Variants in BRIP1 observed in about 807,000 individuals in gnomAD.
The protein encoded by BRIP1 is BRCA1 interacting DNA helicase 1.
BRIP1 carries 88 observed loss-of-function variants against 119.7 expected under a neutral mutation model. The ratio of observed to expected loss-of-function variants is 0.74; its 90% confidence interval spans 0.62 to 0.88. BRIP1 has a LOEUF of 0.88. Among genes scored for constraint, BRIP1 ranks in the 40% least tolerant of loss-of-function variants. The pLI, the probability that BRIP1 is intolerant of heterozygous loss-of-function variation, is 0.00. For synonymous variants in BRIP1, 443 were observed against 496.5 expected (o/e 0.89, Z 1.43); for missense variants, 1,259 against 1,455.4 (o/e 0.87, Z 2.20).
In BRIP1 at chr17:61,809,896, C is replaced by G. The variant is rs1342446432; in HGVS notation, c.628-1139G>C. Among the ~76,000 whole-genome samples, 1 of 152,088 alleles carries G rather than the reference C, an allele frequency of 6.6e-6. No individual in the cohort carries two copies. Among genetic ancestry groups the G allele is most frequent in the East Asian group, 1.9e-4 (1 of 5,190 alleles). On this transcript the variant is annotated intron_variant, in intron 6 of 19. Coordinates refer to ENST00000259008, the MANE Select transcript of BRIP1 (RefSeq NM_032043.3). The surrounding 1 kb of genome is among the most constrained non-coding windows in gnomAD (Gnocchi z 5.2). ...AGTCATAGCATGTTACACCACAATACTGGGGATGAAGCTGTCTTTTAGCCT... is the reference window on the plus strand; with the variant it reads ...AGTCATAGCATGTTACACCACAATAGTGGGGATGAAGCTGTCTTTTAGCCT...
chr17:61,716,201 C>T (rs531932927), intron 16 of BRIP1, 138 bp from the exon 17 acceptor site: 69 of 574,352 alleles, frequency 1.2e-4, no homozygotes, highest in African/African-American at 1.1e-3. Flanking sequence ...TGATTTTTTT[C>T]GTTTCATTTA....
At chr17:61,716,641 C>T (rs1373911883) in intron 16 of BRIP1, among the ~76,000 whole-genome samples, 2 of 151,860 alleles carry the variant, frequency 1.3e-5, no homozygotes, top group Non-Finnish European at 2.9e-5. Context: ...TTTTTAATTG[C>T]AATGTTTAGA....
chr17:61,729,676 C>T lies in BRIP1; in HGVS notation c.2379+13337G>A, dbSNP rs904595172. ...GACTCTTGGTAAGTGCTTTATTGGA[C>T]GTTTTTCAACTTGATAAATCATAAT... is the stretch of plus-strand genomic sequence containing the variant. On this transcript the variant is annotated intron_variant, in intron 16 of 19. Transcript: ENST00000259008. This position sits in a 1 kb window ranked among gnomAD's most constrained non-coding sequence, Gnocchi z 5.6. Among the ~76,000 whole-genome samples the T allele has an allele frequency of 4.6e-5, 7 of 152,088 alleles. No homozygotes were observed. Among genetic ancestry groups the T allele is most frequent in the Non-Finnish European group, 1.5e-5 (1 of 68,010 alleles).
In BRIP1 at chr17:61,803,936, A is replaced by G. The variant is rs1366624632; in HGVS notation, c.919-2462T>C. Among the ~76,000 whole-genome samples the G allele has an allele frequency of 6.6e-6, 1 of 152,198 alleles. No individual in the cohort carries two copies. The highest frequency in any genetic ancestry group is 2.4e-5 in the African/African-American group (1 of 41,462). ...TATGGTAAATTAATACAAAAACTTTAGCCCTTAAAAATGATTTAGATTTGT... is the reference window on the plus strand; with the variant it reads ...TATGGTAAATTAATACAAAAACTTTGGCCCTTAAAAATGATTTAGATTTGT... On this transcript the variant is annotated intron_variant, in intron 7 of 19. Transcript: ENST00000259008. The surrounding 1 kb of genome is among the most constrained non-coding windows in gnomAD (Gnocchi z 4.3).
rs1021897035 is a variant in BRIP1 at position 61,816,531 on chromosome 17, T to C, written c.628-7774A>G. 2.0e-5 allele frequency among the ~76,000 whole-genome samples: 3 copies of C among 152,216 alleles called. No individual in the cohort carries two copies. The highest frequency in any genetic ancestry group is 7.2e-5 in the African/African-American group (3 of 41,456). ...TGTAAATGGGAATTCCTTAACACAGTTGCTCCAGTTTCTGAAAAGTCTGTG... is the reference window on the plus strand; with the variant it reads ...TGTAAATGGGAATTCCTTAACACAGCTGCTCCAGTTTCTGAAAAGTCTGTG... On this transcript the variant is annotated intron_variant, in intron 6 of 19. Coordinates refer to ENST00000259008, the MANE Select transcript of BRIP1 (RefSeq NM_032043.3). The surrounding 1 kb of genome is among the most constrained non-coding windows in gnomAD (Gnocchi z 5.0).
In BRIP1 at chr17:61,720,930, G is replaced by A. The variant is rs978827128; in HGVS notation, c.2380-4867C>T. On this transcript the variant is annotated intron_variant, in intron 16 of 19. Coordinates refer to ENST00000259008, the MANE Select transcript of BRIP1 (RefSeq NM_032043.3). This position sits in a 1 kb window ranked among gnomAD's most constrained non-coding sequence, Gnocchi z 4.3. ...ATGATCTTGGCTCACTGCAACCTCC[G>A]CCTCCCAGGTTCAAGCAGTTCTCCT... Among the ~76,000 whole-genome samples, 4 of 151,782 alleles carry A rather than the reference G, an allele frequency of 2.6e-5. No individual in the cohort carries two copies. Among genetic ancestry groups the A allele is most frequent in the South Asian group, 2.1e-4 (1 of 4,818 alleles).
chr17:61,830,189 C>A (rs147838257), intron 6 of BRIP1, among the ~76,000 whole-genome samples: 1,564 of 151,950 alleles, frequency 0.01, 18 homozygotes, highest in African/African-American at 0.035. Context: ...TCGCCTCAGC[C>A]TCCCAAAGTG....
rs182295635 is a variant in BRIP1 at position 61,762,011 on chromosome 17, C to G, written c.2097+14390G>C. ...TCACACGACCTGATTCCAAACCACA[C>G]TGCAAAGCTATAGTAATTAAAACAG... On this transcript the variant is annotated intron_variant, in intron 14 of 19. Coordinates refer to ENST00000259008, the MANE Select transcript of BRIP1 (RefSeq NM_032043.3). The surrounding 1 kb of genome is among the most constrained non-coding windows in gnomAD (Gnocchi z 4.3). 6.6e-6 allele frequency among the ~76,000 whole-genome samples: 1 copy of G among 151,998 alleles called. No individual in the cohort carries two copies. Among genetic ancestry groups the G allele is most frequent in the Admixed American group, 6.6e-5 (1 of 15,226 alleles).
chr17:61,725,760 T>TTA lies in BRIP1; in HGVS notation c.2380-9699_2380-9698dup, dbSNP rs2076757968. On this transcript the variant is annotated intron_variant, in intron 16 of 19. Coordinates refer to ENST00000259008, the MANE Select transcript of BRIP1 (RefSeq NM_032043.3). This position sits in a 1 kb window ranked among gnomAD's most constrained non-coding sequence, Gnocchi z 5.3. ...CTTCAGCCTCCTCAGTAGCTAGGACTTACAGATACGTGCCCCAACACCAGG... is the reference window on the plus strand; with the variant it reads ...CTTCAGCCTCCTCAGTAGCTAGGACTTATACAGATACGTGCCCCAACACCAGG... 6.6e-6 allele frequency among the ~76,000 whole-genome samples: 1 copy of TTA among 152,052 alleles called. No individual in the cohort carries two copies.
At chr17:61,835,670 T>C (rs1202048062) in intron 6 of BRIP1, among the ~76,000 whole-genome samples, 2 of 151,950 alleles carry the variant, frequency 1.3e-5, no homozygotes, top group East Asian at 1.9e-4. Context: ...GTGGAATTCT[T>C]TGACATATTT....
rs778303125 is a variant in BRIP1, at chr17:61,744,635, A to T, written c.2098-44T>A. ...AAAATGATTTTTTGTGTGTCTAGCT[A>T]AACAAACTTAACTTCATTTGTTTAA... On this transcript the variant is annotated intron_variant, in intron 14 of 19. Coordinates refer to ENST00000259008, the MANE Select transcript of BRIP1 (RefSeq NM_032043.3). This position sits in a 1 kb window ranked among gnomAD's most constrained non-coding sequence, Gnocchi z 5.0. The T allele has an allele frequency of 1.3e-6, 2 of 1,549,616 alleles. No individual in the cohort carries two copies. Among genetic ancestry groups the T allele is most frequent in the Admixed American group, 1.7e-5 (1 of 59,884 alleles).
At chr17:61,766,254 C>T (rs977683851) in intron 14 of BRIP1, among the ~76,000 whole-genome samples, 2 of 152,072 alleles carry the variant, frequency 1.3e-5, no homozygotes, top group African/African-American at 4.8e-5. Flanking sequence ...AGTATGTGCC[C>T]AGTAAATGTT....
At chr17:61,702,124 T>C (rs957763389) in intron 17 of BRIP1, among the ~76,000 whole-genome samples, 1 of 152,222 alleles carries the variant, frequency 6.6e-6, no homozygotes, top group Non-Finnish European at 1.5e-5. Flanking sequence ...TTTTTGCCTA[T>C]TTTCTCATTG....
rs59441826 is a variant in BRIP1 at position 61,759,005 on chromosome 17, C to CATAA, written c.2098-14418_2098-14415dup. On this transcript the variant is annotated intron_variant, in intron 14 of 19. Transcript: ENST00000259008. This position sits in a 1 kb window ranked among gnomAD's most constrained non-coding sequence, Gnocchi z 4.9. ...CCTGGGTGACAGAGCAAGACCCTGT[C>CATAA]ATAAATAAATAAATAAATAAATAAA... Among the ~76,000 whole-genome samples the CATAA allele has an allele frequency of 0.25, 34,201 of 136,820 alleles. 4,594 individuals are homozygous for CATAA. The highest frequency in any genetic ancestry group is 0.4 in the East Asian group (1,892 of 4,716). The allele number at this position is 136,820 out of a possible 152,430, so 89.8% of individuals were successfully genotyped here.
At chr17:61,839,103 C>T (rs2078621305) in intron 6 of BRIP1, among the ~76,000 whole-genome samples, 1 of 151,890 alleles carries the variant, frequency 6.6e-6, no homozygotes, top group Admixed American at 6.6e-5. Flanking sequence ...CCCAAAAATC[C>T]CATTTTTTAA....
rs893802056 is a variant in BRIP1 at position 61,844,347 on chromosome 17, G to C, written c.627+2754C>G. ...TGCCTATAATCCCAAAACTCTGGGA[G>C]GCCCAGGCAAGAGGATCACTGGAGG... On this transcript the variant is annotated intron_variant, in intron 6 of 19. Coordinates refer to ENST00000259008, the MANE Select transcript of BRIP1 (RefSeq NM_032043.3). This position sits in a 1 kb window ranked among gnomAD's most constrained non-coding sequence, Gnocchi z 4.7. 6.6e-6 allele frequency among the ~76,000 whole-genome samples: 1 copy of C among 152,136 alleles called. No homozygotes were observed. The highest frequency in any genetic ancestry group is 2.1e-4 in the South Asian group (1 of 4,826).
intron 16 of BRIP1, among the ~76,000 whole-genome samples, chr17:61,716,811 C>G (rs2061879624): frequency 6.7e-6 from 1 of 150,322 alleles, no homozygotes. Flanking sequence ...TAATATGCTT[C>G]CATATTATTT....
rs1567831477 is a variant in BRIP1 at position 61,801,282 on chromosome 17, A to AGT, written c.1109_1110dup (p.Tyr371ThrfsTer4). On this transcript the variant is annotated frameshift_variant, in exon 8 of 20. Coordinates refer to ENST00000259008, the MANE Select transcript of BRIP1 (RefSeq NM_032043.3). LOFTEE classifies it high-confidence loss of function. ...TCCCTTATTTGTGCATCTAGAAGAT[A>AGT]GTTGTAGGGACAAAATATGATGTCA... 1 of 1,613,876 alleles carries AGT rather than the reference A, an allele frequency of 6.2e-7. No homozygotes were observed. The highest frequency in any genetic ancestry group is 8.5e-7 in the Non-Finnish European group (1 of 1,179,746).
intron 6 of BRIP1, among the ~76,000 whole-genome samples, chr17:61,826,972 G>A (rs1237628578): frequency 4.6e-5 from 7 of 152,070 alleles, no homozygotes; most frequent in African/African-American, 9.7e-5. Flanking sequence ...ACATGCACAC[G>A]TATGTTCATT....
Sources: allele counts gnomAD v4.1 joint callset (sites outside exome capture counted in the v4.1 genomes callset), GRCh38; gene constraint gnomAD v4.1.1; non-coding constraint Gnocchi (gnomAD v3.1); transcripts MANE v1.5; gene names NCBI Gene and HGNC (gene_info 2026-07-23, HGNC 2026-07-21).